CREB5: variants seen among roughly 807,000 people sequenced by gnomAD.
CREB5 encodes the protein cAMP responsive element binding protein 5.
CREB5 carries 19 observed loss-of-function variants against 57.1 expected under a neutral mutation model. That is an observed-to-expected ratio of 0.33 (90% confidence interval 0.23 to 0.49). CREB5 has a LOEUF of 0.49. CREB5 is among the 20% of genes least tolerant of loss of function. CREB5 has a pLI of 0.99. For missense variants in CREB5, 579 were observed against 671.6 expected, an observed-to-expected ratio of 0.86 and a Z score of 1.52; for synonymous variants, 238 against 238.3, an observed-to-expected ratio of 1.00 and a Z score of 0.01.
At chr7:28,784,827 G>T (rs1807218561) in intron 7 of CREB5, among the ~76,000 whole-genome samples, 1 of 152,160 alleles carries the variant, frequency 6.6e-6, no homozygotes, top group Non-Finnish European at 1.5e-5. Context: ...TTTCTGGAAT[G>T]AGTGCAAAGG....
intron 8 of CREB5, among the ~76,000 whole-genome samples, chr7:28,804,813 T>C (rs1808612285): frequency 6.6e-6 from 1 of 152,204 alleles, no homozygotes; most frequent in Non-Finnish European, 1.5e-5. Context: ...TTAGCCCCTC[T>C]CAAAAGTAAT....
At chr7:28,672,229 G>A (rs1800089530) in intron 5 of CREB5, among the ~76,000 whole-genome samples, 1 of 147,920 alleles carries the variant, frequency 6.8e-6, no homozygotes, top group Admixed American at 6.7e-5. Flanking sequence ...ACTGGACTAG[G>A]TTTTAAAAGA....
chr7:28,308,185 A>G (rs1785220592), intron 1 of CREB5, among the ~76,000 whole-genome samples: 1 of 152,226 alleles, frequency 6.6e-6, no homozygotes, highest in African/African-American at 2.4e-5. Context: ...CCTTGGAAGA[A>G]TTTTAATTAA....
rs540816078 is a variant in CREB5, at chr7:28,399,793, C to T, written c.-24-95113C>T. Among the ~76,000 whole-genome samples, 224 of 151,790 alleles carry T rather than the reference C, an allele frequency of 1.5e-3. 1 individual carries two copies. Among genetic ancestry groups the T allele is most frequent in the Non-Finnish European group, 3.4e-4 (23 of 67,892 alleles). Reference sequence around the variant, plus strand: ...AAGTACAGCTGGGCGTGGTGGCTCACGCCTGTAATCCCAGCACTTTGGGAG... The same window carrying T: ...AAGTACAGCTGGGCGTGGTGGCTCATGCCTGTAATCCCAGCACTTTGGGAG... On this transcript the variant is annotated intron_variant, in intron 1 of 9. Coordinates refer to the CREB5 transcript ENST00000396299.
intron 4 of CREB5, among the ~76,000 whole-genome samples, chr7:28,515,838 GTAA>G (rs1449919775): frequency 1.3e-5 from 2 of 150,178 alleles, no homozygotes; most frequent in Non-Finnish European, 2.9e-5. Flanking sequence ...AAGTATTATT[GTAA>G]TAATTATTAT....
At chr7:28,817,193 C>T (rs1809489415) in intron 9 of CREB5, among the ~76,000 whole-genome samples, 1 of 152,126 alleles carries the variant, frequency 6.6e-6, no homozygotes, top group African/African-American at 2.4e-5. Flanking sequence ...TCAATGAACT[C>T]AATCAAATTA....
At chr7:28,704,133 C>A (rs1801993347) in intron 5 of CREB5, among the ~76,000 whole-genome samples, 1 of 152,220 alleles carries the variant, frequency 6.6e-6, no homozygotes, top group South Asian at 2.1e-4. Context: ...ATTTGGGGAC[C>A]TGTCCTACCT....
At chr7:28,730,264 G>A (rs187856902) in intron 7 of CREB5, among the ~76,000 whole-genome samples, 23 of 152,170 alleles carry the variant, frequency 1.5e-4, no homozygotes, top group Admixed American at 2.6e-4. Context: ...GCTCACTGCA[G>A]CCTCAAACTT....
At chr7:28,420,901 T>C (rs750409400) in intron 1 of CREB5, among the ~76,000 whole-genome samples, 4 of 152,144 alleles carry the variant, frequency 2.6e-5, no homozygotes, top group Admixed American at 6.5e-5. Flanking sequence ...AGTTTGCTTG[T>C]ACCCATTCCC....
At chr7:28,708,398 C>G (rs1414842355) in intron 5 of CREB5, among the ~76,000 whole-genome samples, 1 of 152,086 alleles carries the variant, frequency 6.6e-6, no homozygotes, top group Non-Finnish European at 1.5e-5. Flanking sequence ...TTTTAAAGAG[C>G]TGAAATAATC....
chr7:28,817,166 C>T (rs759414847), intron 9 of CREB5, among the ~76,000 whole-genome samples: 9 of 151,976 alleles, frequency 5.9e-5, no homozygotes, highest in East Asian at 1.9e-4. Flanking sequence ...TTTTATAGAC[C>T]GAAATTGACC....
chr7:28,610,153 TGG>T (rs1357603348), intron 5 of CREB5, among the ~76,000 whole-genome samples: 1 of 152,154 alleles, frequency 6.6e-6, no homozygotes, highest in Non-Finnish European at 1.5e-5. Context: ...ACAGCTTTTA[TGG>T]TATATGTTCA....
At chr7:28,315,364 T>C (rs1003775854) in intron 1 of CREB5, among the ~76,000 whole-genome samples, 3 of 152,232 alleles carry the variant, frequency 2.0e-5, no homozygotes, top group African/African-American at 7.2e-5. Flanking sequence ...GTCACTATGA[T>C]GACTCTGTTT....
chr7:28,321,940 T>G (rs926559713), intron 1 of CREB5, among the ~76,000 whole-genome samples: 1 of 152,232 alleles, frequency 6.6e-6, no homozygotes, highest in Non-Finnish European at 1.5e-5. Context: ...AATCCCATTT[T>G]GGTTATTAAG....
intron 1 of CREB5, among the ~76,000 whole-genome samples, chr7:28,339,496 C>T (rs1050787322): frequency 6.6e-6 from 1 of 152,192 alleles, no homozygotes; most frequent in African/African-American, 2.4e-5. Context: ...GTCTTTCTCT[C>T]TCTATGGGCT....
intron 5 of CREB5, among the ~76,000 whole-genome samples, chr7:28,617,228 A>C (rs187686235): frequency 1.3e-4 from 20 of 152,350 alleles, no homozygotes; most frequent in African/African-American, 4.3e-4. Flanking sequence ...ACTGCTCATT[A>C]ATTGTTTATA....
At chr7:28,338,481 G>T (rs920522420) in intron 1 of CREB5, among the ~76,000 whole-genome samples, 2 of 152,146 alleles carry the variant, frequency 1.3e-5, no homozygotes, top group Non-Finnish European at 2.9e-5. Context: ...TGAAAAGTCT[G>T]CTGCCAGATG....
In CREB5 at chr7:28,412,879, AG is replaced by A; in HGVS notation, c.-34del. ...AGAAAAAACTTGATTTGGTGACTGC[AG>A]GAAGCAACACGTTGCTGCTTTTATT... On this transcript the variant is annotated 5_prime_UTR_variant, in exon 1 of 11. Transcript: ENST00000357727. The A allele has an allele frequency of 6.7e-7, 1 of 1,484,970 alleles. No individual in the cohort carries two copies. The highest frequency in any genetic ancestry group is 1.5e-5 in the South Asian group (1 of 66,248). 92.0% of individuals were successfully genotyped at this position (1,484,970 alleles called of 1,614,324 possible). A position where few individuals can be genotyped will look rare whatever the true frequency, so the allele number is the denominator to read the frequency against.
chr7:28,754,894 G>A (rs1395666846), intron 7 of CREB5, among the ~76,000 whole-genome samples: 1 of 152,188 alleles, frequency 6.6e-6, no homozygotes, highest in Non-Finnish European at 1.5e-5. Context: ...AAGGTGCCAT[G>A]ATACCAGGAA....
Sources: allele counts gnomAD v4.1 joint callset (sites outside exome capture counted in the v4.1 genomes callset), GRCh38; gene constraint gnomAD v4.1.1; transcripts MANE v1.5; gene names NCBI Gene and HGNC (gene_info 2026-07-23, HGNC 2026-07-21).